Variants in ZNF462 observed in about 807,000 individuals in gnomAD.
ZNF462 encodes zinc finger protein 462.
A neutral mutation model predicts 201.9 loss-of-function variants in ZNF462; 10 were observed. The observed-to-expected ratio is 0.05, with a 90% CI of 0.03 to 0.08. The LOEUF (loss-of-function observed/expected upper bound fraction) is 0.08. Ranked by LOEUF, ZNF462 falls within the 10% of genes least tolerant of loss-of-function variation. The pLI, the probability that ZNF462 is intolerant of heterozygous loss-of-function variation, is 1.00. For synonymous variants in ZNF462, 1,227 were observed against 1,193.3 expected (o/e 1.03, Z -0.58); for missense variants, 2,523 against 3,168.3 (o/e 0.80, Z 4.89).
chr9:107,000,070 T>A (rs1345974459), intron 10 of ZNF462, among the ~76,000 whole-genome samples: 1 of 151,686 alleles, frequency 6.6e-6, no homozygotes, highest in Non-Finnish European at 1.5e-5. Context: ...CCAGAAGAAG[T>A]GACAGAAGCA....
In ZNF462 at chr9:106,950,655, C is replaced by A. The variant is rs555205071; in HGVS notation, c.6427+11548C>A. On this transcript the variant is annotated intron_variant, in intron 7 of 12. Coordinates refer to ENST00000277225, the MANE Select transcript of ZNF462 (RefSeq NM_021224.6). This position sits in a 1 kb window ranked among gnomAD's most constrained non-coding sequence, Gnocchi z 4.1. ...AAGTGTAAGTGCAGTTCCCTATTAG[C>A]ACATTAAAATTGATCAGTTCTGTGT... is the stretch of plus-strand genomic sequence containing the variant. Among the ~76,000 whole-genome samples, 71 of 152,248 alleles carry A rather than the reference C, an allele frequency of 4.7e-4. No homozygotes were observed. The Middle Eastern group carries it at 0.02, about 44-fold the overall frequency.
In ZNF462 at chr9:107,009,525, C is replaced by A. The variant is rs373924205; in HGVS notation, c.7190-20C>A. ...TGATTCCCACAGCACACAGGTAACACTTCTGCTTTCTCTTTGCAGAGCTGA... is the reference window on the plus strand; with the variant it reads ...TGATTCCCACAGCACACAGGTAACAATTCTGCTTTCTCTTTGCAGAGCTGA... On this transcript the variant is annotated intron_variant, in intron 11 of 12. Transcript: ENST00000277225. This position sits in a 1 kb window ranked among gnomAD's most constrained non-coding sequence, Gnocchi z 6.1. The A allele has an allele frequency of 4.3e-6, 7 of 1,613,602 alleles. No homozygotes were observed. Among genetic ancestry groups the A allele is most frequent in the Admixed American group, 1.7e-5 (1 of 59,954 alleles).
chr9:106,918,220 T>C (rs1829857104), intron 1 of ZNF462, among the ~76,000 whole-genome samples: 1 of 152,174 alleles, frequency 6.6e-6, no homozygotes, highest in Non-Finnish European at 1.5e-5. Flanking sequence ...AGTACCGATG[T>C]CATTTGTATT....
chr9:106,870,653 ATC>A lies in ZNF462; in HGVS notation c.-31+7299_-31+7300del, dbSNP rs1827548699. On this transcript the variant is annotated intron_variant, in intron 1 of 12. Transcript: ENST00000277225. The surrounding 1 kb of genome is among the most constrained non-coding windows in gnomAD (Gnocchi z 4.3). Reference sequence around the variant, plus strand: ...TAGATCCTGATTAGAATGTTTTAGGATCACTTAGTAGGAAATTAAGCATTTGC... The same window carrying A: ...TAGATCCTGATTAGAATGTTTTAGGAACTTAGTAGGAAATTAAGCATTTGC... Among the ~76,000 whole-genome samples the A allele has an allele frequency of 6.6e-6, 1 of 152,198 alleles. No individual in the cohort carries two copies. Among genetic ancestry groups the A allele is most frequent in the Admixed American group, 6.5e-5 (1 of 15,274 alleles).
In ZNF462 at chr9:106,974,046, G is replaced by A; in HGVS notation, c.6696-91G>A. The stretch of plus-strand genomic sequence containing the variant: ...CCCCACAAGCAGGAGAGCCGCACTT[G>A]GACATATATAACGGGTTTGCCAGCA... On this transcript the variant is annotated intron_variant, in intron 8 of 12. Transcript: ENST00000277225. This position sits in a 1 kb window ranked among gnomAD's most constrained non-coding sequence, Gnocchi z 4.0. The A allele has an allele frequency of 6.5e-7, 1 of 1,532,486 alleles. No individual in the cohort carries two copies. Among genetic ancestry groups the A allele is most frequent in the Non-Finnish European group, 8.9e-7 (1 of 1,120,200 alleles). 94.9% of individuals were successfully genotyped at this position (1,532,486 alleles called of 1,614,324 possible).
Position 106,978,877 on chromosome 9 carries a change from G to A in ZNF462, c.6832+4604G>A, listed in dbSNP as rs1415529032. 2 of 258,266 alleles carry A rather than the reference G, an allele frequency of 7.7e-6. No homozygotes were observed. Among genetic ancestry groups the A allele is most frequent in the South Asian group, 4.6e-5 (1 of 21,510 alleles). The allele number at this position is 258,266 out of a possible 1,614,324, so 16.0% of individuals were successfully genotyped here. A position where few individuals can be genotyped will look rare whatever the true frequency, so the allele number is the denominator to read the frequency against. On this transcript the variant is annotated intron_variant, in intron 9 of 12. Coordinates refer to ENST00000277225, the MANE Select transcript of ZNF462 (RefSeq NM_021224.6). This position sits in a 1 kb window ranked among gnomAD's most constrained non-coding sequence, Gnocchi z 4.1. ...AGGACCTTGCCTCCTCAGTGATGTGGGATCTCATCATATCTGTCATTATAA... is the reference window on the plus strand; with the variant it reads ...AGGACCTTGCCTCCTCAGTGATGTGAGATCTCATCATATCTGTCATTATAA...
At chr9:106,947,119 C>G (rs1831144079) in intron 7 of ZNF462, among the ~76,000 whole-genome samples, 1 of 152,178 alleles carries the variant, frequency 6.6e-6, no homozygotes, top group African/African-American at 2.4e-5. Flanking sequence ...CAGTCCGTTT[C>G]TGTTTAGGCT....
At chr9:106,889,986 A>T (rs1828505116) in intron 1 of ZNF462, among the ~76,000 whole-genome samples, 2 of 152,196 alleles carry the variant, frequency 1.3e-5, no homozygotes, top group Non-Finnish European at 1.5e-5. Context: ...AGTGGCATTG[A>T]TACTTACACA....
Position 107,010,795 on chromosome 9 carries a change from T to C in ZNF462, c.7314-28T>C. 6.3e-7 allele frequency: 1 copy of C among 1,589,868 alleles called. No homozygotes were observed. The highest frequency in any genetic ancestry group is 8.6e-7 in the Non-Finnish European group (1 of 1,165,382). ...AAGAGAAATATATATACTATACTCA[T>C]CTGTCTCTTCGATAAATGTTTTTCC... is the stretch of plus-strand genomic sequence containing the variant. On this transcript the variant is annotated intron_variant, in intron 12 of 12. Coordinates refer to ENST00000277225, the MANE Select transcript of ZNF462 (RefSeq NM_021224.6). This position sits in a 1 kb window ranked among gnomAD's most constrained non-coding sequence, Gnocchi z 4.6.
intron 7 of ZNF462, among the ~76,000 whole-genome samples, chr9:106,940,750 G>GTGT (rs1475493344): frequency 1.3e-5 from 2 of 151,964 alleles, no homozygotes; most frequent in Non-Finnish European, 2.9e-5. Context: ...GAAGCCTGTA[G>GTGT]TGTTTTTTTT....
Position 106,929,474 on chromosome 9 carries a change from G to A in ZNF462, c.5562G>A (p.Leu1854=), listed in dbSNP as rs943723226. The A allele has an allele frequency of 2.5e-5, 40 of 1,614,162 alleles. No homozygotes were observed. The highest frequency in any genetic ancestry group is 3.1e-5 in the Non-Finnish European group (37 of 1,180,034). Residue 1854 remains leucine (L), a synonymous_variant, in exon 3 of 13, where the codon CTG becomes CTA. Transcript: ENST00000277225. The surrounding 1 kb of genome is among the most constrained non-coding windows in gnomAD (Gnocchi z 8.7). The part of the protein sequence containing the change: ...LPFRCIKCFK[L]SFSTAELLCM... ...TCCGCTGCATCAAATGCTTCAAGCT[G>A]TCCTTTAGCACTGCAGAGCTGCTGT...
intron 7 of ZNF462, among the ~76,000 whole-genome samples, chr9:106,971,753 G>T (rs1187783676): frequency 6.6e-6 from 1 of 152,098 alleles, no homozygotes; most frequent in Admixed American, 6.6e-5. Context: ...TCTTAGGTGT[G>T]TTCCCTGCAC....
In ZNF462 at chr9:106,927,071, C is replaced by A; in HGVS notation, c.3159C>A (p.His1053Gln). 6.2e-7 allele frequency: 1 copy of A among 1,613,840 alleles called. No homozygotes were observed. The highest frequency in any genetic ancestry group is 8.5e-7 in the Non-Finnish European group (1 of 1,179,910). Residue 1053 changes from histidine (H) to glutamine (Q), a missense_variant, in exon 3 of 13, where the codon CAC (histidine) becomes CAA (glutamine). His to Gln is a conservative substitution (Grantham distance 24, BLOSUM62 0). Coordinates refer to ENST00000277225, the MANE Select transcript of ZNF462 (RefSeq NM_021224.6). ...HSVLVHYQKK[H>Q]PEEKASYFRI... ...TCTTGGTTCATTATCAGAAGAAACA[C>A]CCCGAAGAAAAGGCTTCCTACTTTA...
chr9:106,892,312 A>C (rs968893025), intron 1 of ZNF462, among the ~76,000 whole-genome samples: 1 of 152,208 alleles, frequency 6.6e-6, no homozygotes, highest in African/African-American at 2.4e-5. Context: ...TCAGAAGATT[A>C]GGTAGCTATA....
At chr9:106,922,848 AG>A (rs1830042127) in intron 1 of ZNF462, among the ~76,000 whole-genome samples, 1 of 152,222 alleles carries the variant, frequency 6.6e-6, no homozygotes, top group African/African-American at 2.4e-5. Flanking sequence ...TCCACCCCCA[AG>A]ATTTAAATAC....
rs1828474924 is a variant in ZNF462 at position 106,993,754 on chromosome 9, T to A, written c.7056+9345T>A. The stretch of plus-strand genomic sequence containing the variant: ...TGTTGAAAGATGAAGACAACATTTT[T>A]TCTTTTTTGAGTCAGGGTCTTGCTC... On this transcript the variant is annotated intron_variant, in intron 10 of 12. Transcript: ENST00000277225. This position sits in a 1 kb window ranked among gnomAD's most constrained non-coding sequence, Gnocchi z 4.0. 6.6e-6 allele frequency among the ~76,000 whole-genome samples: 1 copy of A among 152,092 alleles called. No homozygotes were observed. Among genetic ancestry groups the A allele is most frequent in the Admixed American group, 6.6e-5 (1 of 15,246 alleles).
At position 106,935,202 on chromosome 9, in the gene ZNF462, C is replaced by A. The variant is rs192570679; in HGVS notation, c.6117-301C>A. ...ATATTGTACCTTCTCTTTAGATACA[C>A]TCTTCCAATGATCAGAGCTCTAAGA... On this transcript the variant is annotated intron_variant, in intron 5 of 12. Coordinates refer to ENST00000277225, the MANE Select transcript of ZNF462 (RefSeq NM_021224.6). The surrounding 1 kb of genome is among the most constrained non-coding windows in gnomAD (Gnocchi z 4.1). Among the ~76,000 whole-genome samples, 1 of 152,176 alleles carries A rather than the reference C, an allele frequency of 6.6e-6. No homozygotes were observed. The highest frequency in any genetic ancestry group is 1.5e-5 in the Non-Finnish European group (1 of 68,040).
chr9:106,898,729 A>G (rs953138614), intron 1 of ZNF462, among the ~76,000 whole-genome samples: 1 of 152,084 alleles, frequency 6.6e-6, no homozygotes, highest in African/African-American at 2.4e-5. Context: ...ATTTGGAGGA[A>G]GAGTTTGCCA....
At position 107,010,319 on chromosome 9, in the gene ZNF462, C is replaced by T. The variant is rs933385359; in HGVS notation, c.7314-504C>T. 6.6e-6 allele frequency among the ~76,000 whole-genome samples: 1 copy of T among 151,986 alleles called. No individual in the cohort carries two copies. Among genetic ancestry groups the T allele is most frequent in the Non-Finnish European group, 1.5e-5 (1 of 67,998 alleles). ...CCTCAGAGAATATAACCAAGCTTCCCGAGACATGGGTTCCATCTTCAGGTT... is the reference window on the plus strand; with the variant it reads ...CCTCAGAGAATATAACCAAGCTTCCTGAGACATGGGTTCCATCTTCAGGTT... On this transcript the variant is annotated intron_variant, in intron 12 of 12. Coordinates refer to ENST00000277225, the MANE Select transcript of ZNF462 (RefSeq NM_021224.6). This position sits in a 1 kb window ranked among gnomAD's most constrained non-coding sequence, Gnocchi z 4.6.
Sources: gnomAD v4.1 joint callset for allele counts (sites outside exome capture counted in the v4.1 genomes callset) on GRCh38, gnomAD v4.1.1 for gene constraint, Gnocchi (gnomAD v3.1) non-coding constraint, MANE v1.5 for transcripts, NCBI Gene and HGNC (gene_info 2026-07-23, HGNC 2026-07-21) for gene names.